PHF24: variants seen among roughly 807,000 people sequenced by gnomAD.
PHF24 encodes the protein PHD finger protein 24.
Under a neutral mutation model 42.6 loss-of-function variants are expected in PHF24, and 25 were observed. The observed-to-expected ratio is 0.59, with a 90% CI of 0.43 to 0.82. The LOEUF is 0.82. Among genes scored for constraint, PHF24 ranks in the 40% least tolerant of loss-of-function variants. The pLI, the probability that PHF24 is intolerant of heterozygous loss-of-function variation, is 0.00. For synonymous variants in PHF24, 185 were observed against 204.8 expected, an observed-to-expected ratio of 0.90 and a Z score of 0.83; for missense variants, 470 against 538.1, an observed-to-expected ratio of 0.87 and a Z score of 1.25.
At chr9:34,835,939 T>C in the PHF24 span, 1 of 748,010 alleles carries the variant, frequency 1.3e-6, no homozygotes, top group Non-Finnish European at 2.4e-6. Context: ...GATCTAGTCA[T>C]TCTCATCCGC....
At chr9:34,676,366 A>G in the PHF24 span, among the ~76,000 whole-genome samples, 25 of 152,252 alleles carry the variant, frequency 1.6e-4, no homozygotes, top group East Asian at 2.3e-3. Flanking sequence ...TCTACAAAAA[A>G]TACAAAACTT....
At chr9:34,710,154 C>T in the PHF24 span, 3 of 1,032,412 alleles carry the variant, frequency 2.9e-6, no homozygotes, top group Non-Finnish European at 4.4e-6. Flanking sequence ...CTGGGATTGG[C>T]CTGCTATTTA....
chr9:34,902,924 A>C, the PHF24 span, among the ~76,000 whole-genome samples: 3 of 152,234 alleles, frequency 2.0e-5, no homozygotes, highest in Admixed American at 6.5e-5. Context: ...GCTAACCTAG[A>C]CAATGAACTA....
chr9:34,890,353 T>C, the PHF24 span, among the ~76,000 whole-genome samples: 1 of 152,212 alleles, frequency 6.6e-6, no homozygotes, highest in African/African-American at 2.4e-5. Flanking sequence ...GGTAGGGACT[T>C]GTCCTCACTT....
At chr9:34,962,080 G>A (rs1273790021) in intron 1 of PHF24, among the ~76,000 whole-genome samples, 1 of 152,214 alleles carries the variant, frequency 6.6e-6, no homozygotes, top group Non-Finnish European at 1.5e-5. Context: ...TCACTGGTCA[G>A]CGCTGGAACT....
chr9:34,952,889 C>T (rs1011172003), upstream of PHF24, among the ~76,000 whole-genome samples: 8 of 152,212 alleles, frequency 5.3e-5, no homozygotes, highest in African/African-American at 1.9e-4. Context: ...GTCTTTTCAA[C>T]AAAGTGTGCT....
chr9:34,980,649 G>C (rs1587486176), exon 8 of PHF24: 1 of 152,222 alleles, frequency 6.6e-6, no homozygotes, highest in Non-Finnish European at 1.5e-5. Context: ...GGTATGTATA[G>C]AGTTGTTAAA....
At chr9:34,812,016 C>T in the PHF24 span, among the ~76,000 whole-genome samples, 19 of 152,282 alleles carry the variant, frequency 1.2e-4, no homozygotes, top group Non-Finnish European at 2.1e-4. Flanking sequence ...GATATGCAAA[C>T]GACCAATACG....
intron 1 of PHF24, among the ~76,000 whole-genome samples, chr9:34,963,838 G>A (rs1486313328): frequency 6.6e-6 from 1 of 152,194 alleles, no homozygotes; most frequent in East Asian, 1.9e-4. Context: ...GTGAGCTGGT[G>A]ACTGCATAGT....
chr9:34,809,837 T>A, the PHF24 span, among the ~76,000 whole-genome samples: 1 of 152,056 alleles, frequency 6.6e-6, no homozygotes, highest in Admixed American at 6.5e-5. This position sits in a 1 kb window ranked among gnomAD's most constrained non-coding sequence, Gnocchi z 4.1. Flanking sequence ...CTGGGCCCAC[T>A]ACTCATCCGA....
At chr9:34,817,580 G>C in the PHF24 span, among the ~76,000 whole-genome samples, 19 of 151,612 alleles carry the variant, frequency 1.3e-4, no homozygotes, top group Non-Finnish European at 2.4e-4. Flanking sequence ...AATGAGTTTT[G>C]AGAGGTCTTT....
At chr9:34,710,766 G>A in the PHF24 span, among the ~76,000 whole-genome samples, 3 of 151,894 alleles carry the variant, frequency 2.0e-5, no homozygotes, top group Non-Finnish European at 1.5e-5. Flanking sequence ...ATGCCACTAC[G>A]TCCGGCTACT....
the PHF24 span, among the ~76,000 whole-genome samples, chr9:34,934,307 T>C: frequency 6.6e-6 from 1 of 152,200 alleles, no homozygotes; most frequent in Non-Finnish European, 1.5e-5. Flanking sequence ...ATTACAAAAT[T>C]CTTTGTAAAT....
the PHF24 span, among the ~76,000 whole-genome samples, chr9:34,760,133 G>A: frequency 6.6e-6 from 1 of 152,292 alleles, no homozygotes; most frequent in East Asian, 1.9e-4. Context: ...CTCTGTGGAC[G>A]CTGGAGGGCT....
chr9:34,852,434 C>T, the PHF24 span, among the ~76,000 whole-genome samples: 1 of 152,154 alleles, frequency 6.6e-6, no homozygotes, highest in Non-Finnish European at 1.5e-5. Flanking sequence ...TGAAAACCTC[C>T]CCTTAGCAAT....
At chr9:34,768,381 A>G in the PHF24 span, among the ~76,000 whole-genome samples, 1 of 152,174 alleles carries the variant, frequency 6.6e-6, no homozygotes, top group African/African-American at 2.4e-5. Context: ...ACCTTATGCT[A>G]TTCTGGGGTG....
At chr9:34,947,929 A>T in the PHF24 span, among the ~76,000 whole-genome samples, 1 of 152,124 alleles carries the variant, frequency 6.6e-6, no homozygotes, top group Non-Finnish European at 1.5e-5. Context: ...TAACACGGTA[A>T]AACCCCGTCT....
At chr9:34,709,692 G>A in the PHF24 span, 4 of 1,613,666 alleles carry the variant, frequency 2.5e-6, no homozygotes, top group African/African-American at 4.0e-5. Context: ...CCTGCGGGTG[G>A]GGGCTAGTAA....
chr9:34,851,733 C>T, the PHF24 span, among the ~76,000 whole-genome samples: 9 of 152,162 alleles, frequency 5.9e-5, no homozygotes, highest in African/African-American at 1.9e-4. Flanking sequence ...TGTTCCTATT[C>T]GGTCATCTTG....
Sources: allele counts gnomAD v4.1 joint callset (sites outside exome capture counted in the v4.1 genomes callset), GRCh38; gene constraint gnomAD v4.1.1; non-coding constraint Gnocchi (gnomAD v3.1); transcripts MANE v1.5; gene names NCBI Gene and HGNC (gene_info 2026-07-23, HGNC 2026-07-21).